The following UNC13C variants were observed in gnomAD, a reference collection of about 807,000 sequenced individuals.
The protein encoded by UNC13C is protein unc-13 homolog C.
A neutral mutation model predicts 245.4 loss-of-function variants in UNC13C; 174 were observed. The observed-to-expected ratio is 0.71, with a 90% CI of 0.63 to 0.80. The LOEUF (loss-of-function observed/expected upper bound fraction) is 0.80, where lower values mean the gene tolerates loss of function less well. UNC13C is among the 30% of genes least tolerant of loss of function. The pLI, the probability that UNC13C is intolerant of heterozygous loss-of-function variation, is 0.00. For missense variants in UNC13C, 2,829 were observed against 2,602.9 expected (o/e 1.09, Z -1.89); for synonymous variants, 992 against 895.1 (o/e 1.11, Z -1.93).
the UNC13C span, chr15:53,972,577 A>G: frequency 6.6e-6 from 1 of 152,204 alleles, no homozygotes; most frequent in South Asian, 2.1e-4. Context: ...AAATATCTCT[A>G]GTACCAAATA....
At chr15:54,538,609 T>C (rs1896102826) in intron 26 of UNC13C, among the ~76,000 whole-genome samples, 1 of 152,058 alleles carries the variant, frequency 6.6e-6, no homozygotes, top group Non-Finnish European at 1.5e-5. Context: ...AGCCCATCAA[T>C]GGTAGACTGG....
At chr15:54,380,097 A>C (rs1239934409) in intron 17 of UNC13C, among the ~76,000 whole-genome samples, 1 of 152,018 alleles carries the variant, frequency 6.6e-6, no homozygotes, top group Admixed American at 6.6e-5. Context: ...TTCTAACTAA[A>C]ATTTTGTGTC....
chr15:54,444,757 A>G (rs2140995802), intron 19 of UNC13C, among the ~76,000 whole-genome samples: 2 of 151,912 alleles, frequency 1.3e-5, no homozygotes, highest in Middle Eastern at 3.4e-3. Context: ...TCATCCATTC[A>G]CTTCCAGGTG....
intron 16 of UNC13C, among the ~76,000 whole-genome samples, chr15:54,337,806 C>T (rs3914184): frequency 0.25 from 38,490 of 152,004 alleles, 5,290 homozygotes; most frequent in Admixed American, 0.34. Flanking sequence ...CTTCCCACCT[C>T]GCTAAAAGCT....
At chr15:54,159,835 T>C (rs2032901904) in intron 4 of UNC13C, among the ~76,000 whole-genome samples, 2 of 152,198 alleles carry the variant, frequency 1.3e-5, no homozygotes, top group African/African-American at 4.8e-5. Flanking sequence ...GATATTCTGG[T>C]TTACCATTAT....
At chr15:54,486,389 A>C (rs1162595658) in intron 19 of UNC13C, among the ~76,000 whole-genome samples, 1 of 151,614 alleles carries the variant, frequency 6.6e-6, no homozygotes, top group Non-Finnish European at 1.5e-5. Context: ...CAGTGAGCCA[A>C]GATCACGCCA....
chr15:53,943,611 G>A, the UNC13C span, among the ~76,000 whole-genome samples: 914 of 152,116 alleles, frequency 6.0e-3, 12 homozygotes, highest in African/African-American at 0.021. Context: ...TATCCATAAA[G>A]GGCTTATGCA....
intron 2 of UNC13C, among the ~76,000 whole-genome samples, chr15:54,102,522 A>G (rs2141158278): frequency 6.6e-6 from 1 of 152,304 alleles, no homozygotes; most frequent in Non-Finnish European, 1.5e-5. Context: ...GGTCTGCAGA[A>G]CTGGGAATGT....
intron 18 of UNC13C, among the ~76,000 whole-genome samples, chr15:54,406,532 T>C (rs2040296783): frequency 6.6e-6 from 1 of 152,186 alleles, no homozygotes; most frequent in African/African-American, 2.4e-5. Context: ...CTAAATCCTG[T>C]CAGGAGAAAT....
At chr15:54,624,973 G>A (rs1335766914) in intron 32 of UNC13C, among the ~76,000 whole-genome samples, 1 of 152,054 alleles carries the variant, frequency 6.6e-6, no homozygotes, top group Non-Finnish European at 1.5e-5. Flanking sequence ...ACTAAAATTA[G>A]GAAAGTGAAA....
At chr15:53,977,083 C>T (rs919745268), upstream of UNC13C, among the ~76,000 whole-genome samples, 1 of 152,172 alleles carries the variant, frequency 6.6e-6, no homozygotes, top group Non-Finnish European at 1.5e-5. Context: ...TGCCCTGGTA[C>T]TTGCCCCTGA....
chr15:54,507,158 A>G lies in UNC13C; in HGVS notation c.5343A>G (p.Ser1781=), dbSNP rs752261954. 1.4e-5 allele frequency: 22 copies of G among 1,599,180 alleles called. No individual in the cohort carries two copies. The Middle Eastern group carries it at 6.6e-4, about 48-fold the overall frequency. ...TGCTCCAGTATGCTGCAATTGTATC[A>G]AGTGATTTCAGTTCACATTGTGATA... ...KVLLQYAAIV[S]SDFSSHCDKE... Residue 1781 remains serine (S), a synonymous_variant, in exon 23 of 33, where the codon TCA becomes TCG. Coordinates refer to ENST00000260323, the MANE Select transcript of UNC13C (RefSeq NM_001080534.3).
At chr15:54,614,142 C>G (rs1388654194) in intron 30 of UNC13C, among the ~76,000 whole-genome samples, 1 of 151,892 alleles carries the variant, frequency 6.6e-6, no homozygotes, top group African/African-American at 2.4e-5. Flanking sequence ...AAACTCAGGT[C>G]AATTGACTTA....
chr15:53,877,842 C>T, the UNC13C span, among the ~76,000 whole-genome samples: 1 of 152,174 alleles, frequency 6.6e-6, no homozygotes, highest in Non-Finnish European at 1.5e-5. Flanking sequence ...TATGCCAATT[C>T]TACCCTCCTG....
the UNC13C span, among the ~76,000 whole-genome samples, chr15:53,850,323 G>A: frequency 4.6e-5 from 7 of 152,252 alleles, no homozygotes; most frequent in East Asian, 3.9e-4. Context: ...ACTGAGGCAG[G>A]AGGATCACTT....
intron 2 of UNC13C, among the ~76,000 whole-genome samples, chr15:54,078,272 A>G (rs1270911672): frequency 6.6e-6 from 1 of 152,196 alleles, no homozygotes; most frequent in Non-Finnish European, 1.5e-5. Context: ...TAACTTTGCT[A>G]CTGTGAGTAG....
intron 19 of UNC13C, among the ~76,000 whole-genome samples, chr15:54,449,887 T>C (rs1056107018): frequency 1.5e-4 from 23 of 152,198 alleles, no homozygotes; most frequent in Non-Finnish European, 8.8e-5. Context: ...CTCTGTTTTT[T>C]CCCCATCTTT....
chr15:53,900,598 G>T, the UNC13C span, among the ~76,000 whole-genome samples: 1 of 152,172 alleles, frequency 6.6e-6, no homozygotes, highest in Non-Finnish European at 1.5e-5. Context: ...CTCCAAGGAG[G>T]GCAACAGTAG....
chr15:54,331,338 C>T (rs961941706), intron 14 of UNC13C, among the ~76,000 whole-genome samples: 2 of 152,024 alleles, frequency 1.3e-5, no homozygotes, highest in Admixed American at 1.3e-4. Context: ...ACTTTAACCA[C>T]ACACTTAATA....
Sources: gnomAD v4.1 joint callset for allele counts (sites outside exome capture counted in the v4.1 genomes callset) on GRCh38, gnomAD v4.1.1 for gene constraint, MANE v1.5 for transcripts, NCBI Gene and HGNC (gene_info 2026-07-23, HGNC 2026-07-21) for gene names.